The following TIPIN variants were observed in gnomAD, a reference collection of about 807,000 sequenced individuals.
TIPIN encodes TIMELESS-interacting protein.
TIPIN carries 29 observed loss-of-function variants against 35.6 expected under a neutral mutation model. The observed-to-expected ratio is 0.82, with a 90% CI of 0.61 to 1.11. TIPIN has a LOEUF of 1.11. TIPIN is among the 50% of genes most tolerant of loss of function. The probability of loss-of-function intolerance (pLI) is 0.00; values close to 1 mark genes in which losing one functional copy is unlikely to be tolerated. For missense variants in TIPIN, 296 were observed against 345.4 expected, an observed-to-expected ratio of 0.86 and a Z score of 1.13; for synonymous variants, 102 against 121.5, an observed-to-expected ratio of 0.84 and a Z score of 1.06.
At chr15:66,351,170 G>A (rs555241664) in intron 4 of TIPIN, among the ~76,000 whole-genome samples, 1 of 152,068 alleles carries the variant, frequency 6.6e-6, no homozygotes, top group African/African-American at 2.4e-5. Flanking sequence ...GCCACATCTT[G>A]GGGACACATA....
chr15:66,352,770 C>G, intron 2 of TIPIN, 45 bp downstream of exon 2: 5 of 1,543,070 alleles, frequency 3.2e-6, no homozygotes, highest in Non-Finnish European at 4.4e-6. Flanking sequence ...CATGAGCCAC[C>G]GTGCCTGGCC....
chr15:66,379,923 G>A, intron 1 of TIPIN: 1 of 1,353,134 alleles, frequency 7.4e-7, no homozygotes, highest in Non-Finnish European at 1.0e-6. Context: ...CACTCTCGCA[G>A]TACACACGGC....
chr15:66,373,506 A>C (rs1239081342), intron 1 of TIPIN, among the ~76,000 whole-genome samples: 3 of 151,734 alleles, frequency 2.0e-5, no homozygotes, highest in Non-Finnish European at 4.4e-5. Flanking sequence ...AAAAAAAAAA[A>C]AGGAAAAGAA....
intron 1 of TIPIN, among the ~76,000 whole-genome samples, chr15:66,370,468 T>TG (rs1455834851): frequency 3.4e-5 from 2 of 58,362 alleles, no homozygotes; most frequent in Admixed American, 4.0e-4. Flanking sequence ...ATGTCCTTGG[T>TG]GGGGGGCTGG....
chr15:66,378,441 T>C (rs933697273), intron 1 of TIPIN, among the ~76,000 whole-genome samples: 1 of 152,182 alleles, frequency 6.6e-6, no homozygotes, highest in Non-Finnish European at 1.5e-5. Context: ...AGCCGATTGC[T>C]CTTAATTATA....
intron 6 of TIPIN, among the ~76,000 whole-genome samples, chr15:66,348,565 G>T (rs928934266): frequency 9.1e-4 from 137 of 151,266 alleles, no homozygotes; most frequent in Admixed American, 1.5e-3. Context: ...GCGCATGCCT[G>T]TGATCCCAGC....
chr15:66,340,508 T>G (rs1027436395), intron 7 of TIPIN, among the ~76,000 whole-genome samples: 1 of 151,908 alleles, frequency 6.6e-6, no homozygotes, highest in African/African-American at 2.4e-5. Context: ...TTATAATTAT[T>G]GTCCTAAAGG....
chr15:66,360,209 AGG>A (rs2093225012), upstream of TIPIN, among the ~76,000 whole-genome samples: 1 of 152,132 alleles, frequency 6.6e-6, no homozygotes, highest in Non-Finnish European at 1.5e-5. Context: ...TGAGCAACAT[AGG>A]GACATCCTAT....
At chr15:66,359,296 T>G (rs2093221270), upstream of TIPIN, among the ~76,000 whole-genome samples, 1 of 152,120 alleles carries the variant, frequency 6.6e-6, no homozygotes. Flanking sequence ...TTTCTATACT[T>G]GTGAGATAAT....
chr15:66,371,227 A>T, intron 1 of TIPIN: 2 of 982,858 alleles, frequency 2.0e-6, no homozygotes, highest in Non-Finnish European at 2.4e-6. Flanking sequence ...AAAAAGTGTA[A>T]GTGTATCAAG....
intron 7 of TIPIN, among the ~76,000 whole-genome samples, chr15:66,337,768 AAAAAAATAAAAT>A (rs1484025321): frequency 3.0e-4 from 4 of 13,158 alleles, no homozygotes; most frequent in African/African-American, 4.8e-4. Context: ...CAAAACATCA[AAAAAAATAAAAT>A]AAAAAAAAAA....
chr15:66,383,630 G>T, intron 1 of TIPIN: 1 of 968,714 alleles, frequency 1.0e-6, no homozygotes, highest in Non-Finnish European at 1.2e-6. Flanking sequence ...TGTTTAACAT[G>T]AATAAGGACA....
intron 1 of TIPIN, among the ~76,000 whole-genome samples, chr15:66,369,569 C>T (rs552741189): frequency 2.0e-5 from 3 of 151,436 alleles, no homozygotes; most frequent in South Asian, 4.2e-4. Context: ...AGGATGGTCT[C>T]GATCTCCACA....
At chr15:66,385,796 G>GT (rs1050867245) in intron 1 of TIPIN, among the ~76,000 whole-genome samples, 3 of 151,572 alleles carry the variant, frequency 2.0e-5, no homozygotes, top group Admixed American at 6.6e-5. Context: ...CTGGATGAAA[G>GT]TTTTTTTAAA....
At chr15:66,350,938 T>TAAAAAAA (rs35214451) in intron 4 of TIPIN, among the ~76,000 whole-genome samples, 2 of 82,390 alleles carry the variant, frequency 2.4e-5, no homozygotes, top group African/African-American at 5.0e-5. Flanking sequence ...GACTCCGTCT[T>TAAAAAAA]AAAAAAAAAA....
intron 3 of TIPIN, 151 bp from the exon 4 acceptor site, chr15:66,351,751 T>G: frequency 1.6e-6 from 1 of 638,646 alleles, no homozygotes. Context: ...GTCATTCTCC[T>G]GCCTCAGCCT....
chr15:66,353,488 C>T lies in TIPIN; in HGVS notation c.-8-533G>A, dbSNP rs1044309195. On this transcript the variant is annotated intron_variant, in intron 1 of 7. Transcript: ENST00000261881. Reference sequence around the variant, plus strand: ...AAAATTATCCAGGCGTGGTGGCGGGCGCTTGTAGTCCCATCCACTCGGCAG... The same window carrying T: ...AAAATTATCCAGGCGTGGTGGCGGGTGCTTGTAGTCCCATCCACTCGGCAG... Among the ~76,000 whole-genome samples the T allele has an allele frequency of 3.3e-4, 50 of 151,464 alleles. 4 individuals carry two copies. The highest frequency in any genetic ancestry group is 2.9e-5 in the Non-Finnish European group (2 of 67,898).
chr15:66,370,474 G>A (rs1331576781), intron 1 of TIPIN, among the ~76,000 whole-genome samples: 1 of 151,720 alleles, frequency 6.6e-6, no homozygotes, highest in East Asian at 1.9e-4. Flanking sequence ...TTGGTGGGGG[G>A]CTGGAGGGGA....
Position 66,356,657 on chromosome 15 carries a change from G to A in TIPIN, c.-27C>T. 1 of 985,756 alleles carries A rather than the reference G, an allele frequency of 1.0e-6. No homozygotes were observed. The highest frequency in any genetic ancestry group is 1.2e-6 in the Non-Finnish European group (1 of 830,218). The allele number at this position is 985,756 out of a possible 1,614,324, so 61.1% of individuals were successfully genotyped here. A position where few individuals can be genotyped will look rare whatever the true frequency, so the allele number is the denominator to read the frequency against. On this transcript the variant is annotated 5_prime_UTR_variant, in exon 1 of 8. Transcript: ENST00000261881. ...CTCTCACCTCACGCAGAAAACACGG[G>A]ACACAGCGCGGACCTCGGCGTGCAG...
Sources: allele counts gnomAD v4.1 joint callset (sites outside exome capture counted in the v4.1 genomes callset), GRCh38; gene constraint gnomAD v4.1.1; transcripts MANE v1.5; gene names NCBI Gene and HGNC (gene_info 2026-07-23, HGNC 2026-07-21).